The following PTPRT variants were observed in gnomAD, a reference collection of about 807,000 sequenced individuals.
The protein encoded by PTPRT is protein tyrosine phosphatase receptor type T.
Under a neutral mutation model 176.8 loss-of-function variants are expected in PTPRT, and 56 were observed. The ratio of observed to expected loss-of-function variants is 0.32; its 90% confidence interval spans 0.26 to 0.40. The LOEUF (loss-of-function observed/expected upper bound fraction) is 0.40. Among genes scored for constraint, PTPRT ranks in the 10% least tolerant of loss-of-function variants. PTPRT has a pLI of 1.00. For missense variants in PTPRT, 1,540 were observed against 1,908.2 expected (o/e 0.81, Z 3.60); for synonymous variants, 783 against 739.0 (o/e 1.06, Z -0.96).
intron 6 of PTPRT, among the ~76,000 whole-genome samples, chr20:42,735,628 C>T (rs1196348807): frequency 1.3e-5 from 2 of 152,230 alleles, no homozygotes; most frequent in Non-Finnish European, 2.9e-5. Flanking sequence ...GTCCCCCACA[C>T]ATTGAACTGC....
intron 7 of PTPRT, among the ~76,000 whole-genome samples, chr20:42,645,335 C>T (rs969096): frequency 0.1 from 15,199 of 152,132 alleles, 1,220 homozygotes; most frequent in East Asian, 0.4. Context: ...CATCCAATGT[C>T]GGCTGGGAAT....
chr20:42,711,117 A>G (rs1208009015), intron 6 of PTPRT, among the ~76,000 whole-genome samples: 1 of 152,216 alleles, frequency 6.6e-6, no homozygotes, highest in Non-Finnish European at 1.5e-5. Flanking sequence ...TTGTAGGCTC[A>G]TGGATGGAAG....
chr20:42,054,601 GC>G, the PTPRT span, among the ~76,000 whole-genome samples: 2 of 152,138 alleles, frequency 1.3e-5, no homozygotes, highest in African/African-American at 4.8e-5. Flanking sequence ...GTATGAGGGG[GC>G]CCCTTGTAGG....
chr20:42,838,300 G>A (rs1200600743), intron 2 of PTPRT, among the ~76,000 whole-genome samples: 1 of 152,160 alleles, frequency 6.6e-6, no homozygotes, highest in South Asian at 2.1e-4. Flanking sequence ...TTACAGATGT[G>A]AGTCACTGCG....
At chr20:42,822,812 A>G (rs2077920588) in intron 2 of PTPRT, among the ~76,000 whole-genome samples, 4 of 152,232 alleles carry the variant, frequency 2.6e-5, no homozygotes, top group Non-Finnish European at 2.9e-5. Context: ...ATCACTGATC[A>G]TCAAAGAAAT....
chr20:42,555,595 C>T (rs924530199), intron 7 of PTPRT, among the ~76,000 whole-genome samples: 5 of 152,100 alleles, frequency 3.3e-5, no homozygotes, highest in East Asian at 1.9e-4. Context: ...CTATGCATCC[C>T]GGCATCCCGG....
At chr20:42,814,290 T>A (rs144937212) in intron 2 of PTPRT, among the ~76,000 whole-genome samples, 165 of 152,314 alleles carry the variant, frequency 1.1e-3, no homozygotes, top group African/African-American at 3.9e-3. Flanking sequence ...GTTTGCTCAA[T>A]CTATTACGTA....
chr20:42,857,223 G>A (rs949989524), intron 2 of PTPRT, among the ~76,000 whole-genome samples: 5 of 152,086 alleles, frequency 3.3e-5, no homozygotes, highest in Non-Finnish European at 7.4e-5. Flanking sequence ...AAAGAGTAGG[G>A]GTTAGAACTA....
At chr20:42,800,802 G>A (rs937151286) in intron 2 of PTPRT, among the ~76,000 whole-genome samples, 4 of 152,136 alleles carry the variant, frequency 2.6e-5, no homozygotes, top group African/African-American at 4.8e-5. Context: ...AAATGGTGCC[G>A]TCTTGCCTTC....
At chr20:42,996,425 G>A (rs76426617) in intron 1 of PTPRT, among the ~76,000 whole-genome samples, 1,637 of 152,294 alleles carry the variant, frequency 0.011, 40 homozygotes, top group African/African-American at 0.037. Flanking sequence ...AGAAAAGAAG[G>A]AAGGAGGAAG....
Position 42,075,142 on chromosome 20 carries a change from A to C in PTPRT, c.*5737T>G. The C allele has an allele frequency of 3.2e-6, 1 of 310,070 alleles. No homozygotes were observed. Among genetic ancestry groups the C allele is most frequent in the Non-Finnish European group, 5.9e-6 (1 of 169,780 alleles). The allele number at this position is 310,070 out of a possible 1,614,324, so 19.2% of individuals were successfully genotyped here. A position where few individuals can be genotyped will look rare whatever the true frequency, so the allele number is the denominator to read the frequency against. On this transcript the variant is annotated 3_prime_UTR_variant, in exon 31 of 31. Coordinates refer to ENST00000373187, the MANE Select transcript of PTPRT (RefSeq NM_007050.6). ...AAAACCTCCAACAGGGAAACTTTGC[A>C]TGGGAGGAGTAAACAAATCTGAATC...
chr20:42,810,153 G>A (rs2077678340), intron 2 of PTPRT, among the ~76,000 whole-genome samples: 1 of 152,140 alleles, frequency 6.6e-6, no homozygotes, highest in Admixed American at 6.5e-5. Flanking sequence ...AATTAACTGG[G>A]CGTGGCAGCG....
At chr20:42,152,066 G>A (rs1262663015) in intron 17 of PTPRT, among the ~76,000 whole-genome samples, 1 of 152,174 alleles carries the variant, frequency 6.6e-6, no homozygotes, top group African/African-American at 2.4e-5. Context: ...GTGCACAATC[G>A]AAGAGCATTG....
At chr20:43,097,364 C>T (rs1400031227) in intron 1 of PTPRT, among the ~76,000 whole-genome samples, 1 of 152,166 alleles carries the variant, frequency 6.6e-6, no homozygotes, top group African/African-American at 2.4e-5. Context: ...TTGTGAGTAC[C>T]TGCCCCACAA....
intron 6 of PTPRT, among the ~76,000 whole-genome samples, chr20:42,755,219 G>C (rs1056878638): frequency 6.6e-6 from 1 of 152,112 alleles, no homozygotes; most frequent in African/African-American, 2.4e-5. Context: ...TCTGTATGAA[G>C]TCAAGACAGC....
chr20:43,018,961 C>T (rs1264477356), intron 1 of PTPRT, among the ~76,000 whole-genome samples: 2 of 152,148 alleles, frequency 1.3e-5, no homozygotes, highest in Non-Finnish European at 2.9e-5. Flanking sequence ...TCCTGCTGAT[C>T]CATTCATTTC....
At chr20:42,771,107 TG>T (rs1273489803) in intron 5 of PTPRT, among the ~76,000 whole-genome samples, 4 of 152,186 alleles carry the variant, frequency 2.6e-5, no homozygotes, top group Non-Finnish European at 5.9e-5. Context: ...TTGCAAATGC[TG>T]GTTAGAGCAG....
At chr20:42,172,118 C>A (rs907112595) in intron 16 of PTPRT, among the ~76,000 whole-genome samples, 1 of 152,016 alleles carries the variant, frequency 6.6e-6, no homozygotes, top group Non-Finnish European at 1.5e-5. Context: ...CAATAATGCA[C>A]ACATGACAGA....
In PTPRT at chr20:42,073,957, G is replaced by A; in HGVS notation, c.*6922C>T. ...GATGGGCAGCTTATCCTCTCTGGCA[G>A]ACAGCAGGTTCTTCCTTACAGCTAT... On this transcript the variant is annotated 3_prime_UTR_variant, in exon 31 of 31. Coordinates refer to ENST00000373187, the MANE Select transcript of PTPRT (RefSeq NM_007050.6). 1 of 230,524 alleles carries A rather than the reference G, an allele frequency of 4.3e-6. No individual in the cohort carries two copies. Among genetic ancestry groups the A allele is most frequent in the Non-Finnish European group, 8.6e-6 (1 of 116,288 alleles). The allele number at this position is 230,524 out of a possible 1,614,324, so 14.3% of individuals were successfully genotyped here. A position where few individuals can be genotyped will look rare whatever the true frequency, so the allele number is the denominator to read the frequency against.
Sources: allele counts gnomAD v4.1 joint callset (sites outside exome capture counted in the v4.1 genomes callset), GRCh38; gene constraint gnomAD v4.1.1; transcripts MANE v1.5; gene names NCBI Gene and HGNC (gene_info 2026-07-23, HGNC 2026-07-21).